Variants in SUPT3H observed in about 807,000 individuals in gnomAD.
SUPT3H encodes the protein transcription initiation protein SPT3 homolog.
SUPT3H carries 44 observed loss-of-function variants against 44.3 expected under a neutral mutation model. The observed-to-expected ratio is 0.99, with a 90% CI of 0.78 to 1.28. The LOEUF is 1.28. Among genes scored for constraint, SUPT3H ranks in the 50% most tolerant of loss-of-function variants. SUPT3H has a pLI of 0.00. For missense variants in SUPT3H, 380 were observed against 387.1 expected, an observed-to-expected ratio of 0.98 and a Z score of 0.15; for synonymous variants, 124 against 125.6, an observed-to-expected ratio of 0.99 and a Z score of 0.09.
At chr6:45,116,402 G>A (rs183946734) in intron 2 of SUPT3H, among the ~76,000 whole-genome samples, 150 of 152,110 alleles carry the variant, frequency 9.9e-4, no homozygotes, top group Non-Finnish European at 1.7e-3. Context: ...ATCTTTATCT[G>A]TATTAATTTT....
chr6:44,831,394 T>C (rs1198059169), intron 10 of SUPT3H, among the ~76,000 whole-genome samples: 1 of 152,160 alleles, frequency 6.6e-6, no homozygotes, highest in East Asian at 1.9e-4. Context: ...AATTGCGCTA[T>C]AGAACAGTGT....
At chr6:45,068,908 C>A (rs1793900333) in intron 3 of SUPT3H, among the ~76,000 whole-genome samples, 1 of 151,574 alleles carries the variant, frequency 6.6e-6, no homozygotes, top group African/African-American at 2.4e-5. Context: ...ACTACTTATC[C>A]CTTGATTATA....
rs994327435 is a variant in SUPT3H at position 45,177,953 on chromosome 6, T to C, written c.102-71947A>G. ...ATGGAAAGGAACAACCGGTACCAGC[T>C]GCTGCAAAATCATGCCAAAATGTAA... On this transcript the variant is annotated intron_variant, in intron 2 of 10. Coordinates refer to ENST00000371459, the MANE Select transcript of SUPT3H (RefSeq NM_003599.4). Among the ~76,000 whole-genome samples the C allele has an allele frequency of 9.2e-5, 14 of 152,104 alleles. 1 individual carries two copies. Among genetic ancestry groups the C allele is most frequent in the East Asian group, 3.9e-4 (2 of 5,182 alleles).
intron 2 of SUPT3H, among the ~76,000 whole-genome samples, chr6:45,178,624 A>G (rs1484866918): frequency 6.6e-6 from 1 of 152,080 alleles, no homozygotes; most frequent in Non-Finnish European, 1.5e-5. Context: ...TTTTTTCAGC[A>G]CCACACCACA....
intron 2 of SUPT3H, among the ~76,000 whole-genome samples, chr6:45,146,859 A>G (rs1806166590): frequency 6.6e-6 from 1 of 152,158 alleles, no homozygotes; most frequent in Admixed American, 6.6e-5. Context: ...ATAAGCAAAG[A>G]TGCTCCAGAG....
intron 6 of SUPT3H, among the ~76,000 whole-genome samples, chr6:44,973,144 A>G (rs1026239367): frequency 2.0e-5 from 3 of 152,162 alleles, no homozygotes; most frequent in Non-Finnish European, 2.9e-5. Flanking sequence ...ATAAGTTCCA[A>G]TTCCAAAGTG....
At chr6:45,171,495 A>T (rs1484695972) in intron 2 of SUPT3H, among the ~76,000 whole-genome samples, 6 of 152,160 alleles carry the variant, frequency 3.9e-5, no homozygotes, top group Admixed American at 2.0e-4. Context: ...AGTACATGCT[A>T]TTTTTAATCA....
intron 3 of SUPT3H, among the ~76,000 whole-genome samples, chr6:45,032,421 C>T: frequency 6.6e-6 from 1 of 152,156 alleles, no homozygotes. Context: ...CTATAAAACA[C>T]TATACCTGCA....
intron 7 of SUPT3H, among the ~76,000 whole-genome samples, chr6:44,957,558 T>C (rs1775396049): frequency 6.6e-6 from 1 of 152,146 alleles, no homozygotes; most frequent in Non-Finnish European, 1.5e-5. Context: ...AACAGATATT[T>C]TGTGACTGTG....
At chr6:45,243,266 C>CA (rs1289144528) in intron 2 of SUPT3H, among the ~76,000 whole-genome samples, 4 of 128,694 alleles carry the variant, frequency 3.1e-5, no homozygotes, top group South Asian at 2.5e-4. Context: ...AATGAGCAGA[C>CA]AAAAAAATCT....
chr6:45,242,456 C>T (rs79634005), intron 2 of SUPT3H, among the ~76,000 whole-genome samples: 3,667 of 152,226 alleles, frequency 0.024, 151 homozygotes, highest in African/African-American at 0.082. Context: ...ACACAAGACA[C>T]AACCATAGGG....
chr6:45,056,168 A>T (rs1024847490), intron 3 of SUPT3H, among the ~76,000 whole-genome samples: 1 of 152,188 alleles, frequency 6.6e-6, no homozygotes, highest in Non-Finnish European at 1.5e-5. Context: ...CATAATCAAA[A>T]AATCAAAAAG....
chr6:45,001,927 T>C (rs1782058789), intron 6 of SUPT3H, among the ~76,000 whole-genome samples: 1 of 152,086 alleles, frequency 6.6e-6, no homozygotes, highest in African/African-American at 2.4e-5. Flanking sequence ...CTTTCTACTG[T>C]CTACAGTTAA....
chr6:45,179,738 C>G (rs954668788), intron 2 of SUPT3H, among the ~76,000 whole-genome samples: 2 of 152,190 alleles, frequency 1.3e-5, no homozygotes, highest in African/African-American at 4.8e-5. Context: ...TAAGAGCTAT[C>G]TATGACAAAC....
intron 9 of SUPT3H, among the ~76,000 whole-genome samples, chr6:44,935,591 A>C (rs911034388): frequency 5.3e-5 from 8 of 152,182 alleles, no homozygotes; most frequent in Non-Finnish European, 1.2e-4. Context: ...TGTTTGGAAA[A>C]GTTCTCCATA....
chr6:45,175,179 G>C (rs1001442189), intron 2 of SUPT3H, among the ~76,000 whole-genome samples: 2 of 151,502 alleles, frequency 1.3e-5, no homozygotes, highest in African/African-American at 2.4e-5. Context: ...GTATATGTTT[G>C]CAGATGTGTG....
chr6:44,984,993 C>T (rs982068782), intron 6 of SUPT3H, among the ~76,000 whole-genome samples: 16 of 151,654 alleles, frequency 1.1e-4, no homozygotes, highest in African/African-American at 2.7e-4. Context: ...TGGGGGATGA[C>T]GGACAGTTTT....
At chr6:45,178,097 A>G (rs1056724732) in intron 2 of SUPT3H, among the ~76,000 whole-genome samples, 1 of 152,212 alleles carries the variant, frequency 6.6e-6, no homozygotes, top group Non-Finnish European at 1.5e-5. Context: ...AATGGATTAA[A>G]TGCTCCAATT....
At chr6:45,337,919 A>G (rs1788930216) in intron 2 of SUPT3H, among the ~76,000 whole-genome samples, 1 of 152,038 alleles carries the variant, frequency 6.6e-6, no homozygotes, top group Admixed American at 6.6e-5. Flanking sequence ...ACTTTAAGAA[A>G]CAAAACTCCT....
Sources: gnomAD v4.1 joint callset for allele counts (sites outside exome capture counted in the v4.1 genomes callset) on GRCh38, gnomAD v4.1.1 for gene constraint, MANE v1.5 for transcripts, NCBI Gene and HGNC (gene_info 2026-07-23, HGNC 2026-07-21) for gene names.